BICD1: variants seen among roughly 807,000 people sequenced by gnomAD.
BICD1 encodes the protein BICD cargo adaptor 1, also known as protein bicaudal D homolog 1.
A neutral mutation model predicts 92.5 loss-of-function variants in BICD1; 35 were observed. The observed-to-expected ratio is 0.38, with a 90% CI of 0.29 to 0.50. The LOEUF (loss-of-function observed/expected upper bound fraction) is 0.50. Ranked by LOEUF, BICD1 falls within the 20% of genes least tolerant of loss-of-function variation. The pLI, the probability that BICD1 is intolerant of heterozygous loss-of-function variation, is 0.93. For missense variants in BICD1, 950 were observed against 1,189.8 expected, an observed-to-expected ratio of 0.80 and a Z score of 2.97; for synonymous variants, 429 against 465.1, an observed-to-expected ratio of 0.92 and a Z score of 1.00.
chr12:32,245,055 T>G (rs967748672), intron 2 of BICD1, among the ~76,000 whole-genome samples: 1 of 152,188 alleles, frequency 6.6e-6, no homozygotes, highest in Non-Finnish European at 1.5e-5. Context: ...TGGAATCTTG[T>G]CTGAATCTTG....
intron 6 of BICD1, among the ~76,000 whole-genome samples, chr12:32,335,174 G>A (rs2136276333): frequency 6.7e-6 from 1 of 149,926 alleles, no homozygotes; most frequent in Admixed American, 6.6e-5. Flanking sequence ...TTTTTGAGAC[G>A]GAGTCTTACT....
chr12:32,317,276 C>T (rs1483413237), intron 4 of BICD1, among the ~76,000 whole-genome samples: 2 of 152,184 alleles, frequency 1.3e-5, no homozygotes, highest in Admixed American at 6.5e-5. Context: ...CCTGAGGAAT[C>T]GTCACACTGA....
At chr12:32,310,219 G>T (rs1355408397) in intron 4 of BICD1, among the ~76,000 whole-genome samples, 4 of 152,234 alleles carry the variant, frequency 2.6e-5, no homozygotes, top group African/African-American at 9.6e-5. Flanking sequence ...GAAAATAAAA[G>T]AGTAGATTTT....
At chr12:32,329,103 TTA>T in intron 5 of BICD1, among the ~76,000 whole-genome samples, 1 of 93,342 alleles carries the variant, frequency 1.1e-5, no homozygotes, top group Non-Finnish European at 2.4e-5. Context: ...ATTATTATTA[TTA>T]TTTTTTATTT....
At chr12:32,372,658 T>C (rs1939782427) in intron 9 of BICD1, among the ~76,000 whole-genome samples, 1 of 152,060 alleles carries the variant, frequency 6.6e-6, no homozygotes, top group Non-Finnish European at 1.5e-5. Context: ...GTGGGAAGAT[T>C]GCTTGAGCCC....
intron 3 of BICD1, among the ~76,000 whole-genome samples, chr12:32,297,013 G>A (rs913932135): frequency 7.9e-5 from 12 of 152,110 alleles, no homozygotes; most frequent in Non-Finnish European, 1.8e-4. Flanking sequence ...TCCCAATTAA[G>A]TATCTAATTA....
intron 1 of BICD1, among the ~76,000 whole-genome samples, chr12:32,136,092 G>T (rs1326237579): frequency 6.6e-6 from 1 of 152,176 alleles, no homozygotes; most frequent in Non-Finnish European, 1.5e-5. Flanking sequence ...GCTCCTCTGT[G>T]TTCCCCTGTA....
chr12:32,246,310 G>GAAA (rs398055471), intron 2 of BICD1, among the ~76,000 whole-genome samples: 5,161 of 101,830 alleles, frequency 0.051, 206 homozygotes, highest in East Asian at 0.18. Flanking sequence ...AACCCATCAG[G>GAAA]AAAAAAAAAA....
chr12:32,269,384 T>C (rs1947078752), intron 2 of BICD1, among the ~76,000 whole-genome samples: 2 of 152,226 alleles, frequency 1.3e-5, no homozygotes. Flanking sequence ...CTTTCTTACA[T>C]TGTGAAAACT....
chr12:32,179,594 A>G (rs1227387030), intron 1 of BICD1, among the ~76,000 whole-genome samples: 3 of 151,998 alleles, frequency 2.0e-5, no homozygotes, highest in Non-Finnish European at 4.4e-5. Flanking sequence ...CAGTGTGCTA[A>G]CTTTACTAAA....
chr12:32,251,513 G>A (rs1437116365), intron 2 of BICD1, among the ~76,000 whole-genome samples: 2 of 151,990 alleles, frequency 1.3e-5, no homozygotes, highest in Admixed American at 6.6e-5. Flanking sequence ...CCCTTCTCAC[G>A]TTCTAGACCC....
At chr12:32,114,257 C>CTT (rs1303432804) in intron 1 of BICD1, among the ~76,000 whole-genome samples, 1 of 152,214 alleles carries the variant, frequency 6.6e-6, no homozygotes, top group Non-Finnish European at 1.5e-5. Context: ...ATCTGCCTGC[C>CTT]TTGCCCTCGT....
intron 2 of BICD1, among the ~76,000 whole-genome samples, chr12:32,246,621 G>C (rs190809134): frequency 1.3e-5 from 2 of 152,256 alleles, no homozygotes; most frequent in African/African-American, 4.8e-5. Flanking sequence ...CTGCAGTACA[G>C]AGTGAGACCT....
chr12:32,235,480 C>T (rs1233882144), intron 2 of BICD1, among the ~76,000 whole-genome samples: 1 of 148,718 alleles, frequency 6.7e-6, no homozygotes, highest in Non-Finnish European at 1.5e-5. Context: ...ATTTTTTTTT[C>T]CTAGTTGCCA....
At chr12:32,360,518 C>T (rs1412896400) in intron 8 of BICD1, among the ~76,000 whole-genome samples, 1 of 152,138 alleles carries the variant, frequency 6.6e-6, no homozygotes, top group Non-Finnish European at 1.5e-5. Flanking sequence ...TGTTAAAAGC[C>T]AGTGTGAGTT....
intron 1 of BICD1, among the ~76,000 whole-genome samples, chr12:32,195,853 G>T (rs1188257708): frequency 6.6e-6 from 1 of 152,074 alleles, no homozygotes; most frequent in Non-Finnish European, 1.5e-5. Flanking sequence ...CCTAAAGAAT[G>T]GGACAAAATA....
chr12:32,328,071 G>T lies in BICD1; in HGVS notation c.1616G>T (p.Arg539Met). 7 of 1,614,136 alleles carry T rather than the reference G, an allele frequency of 4.3e-6. No individual in the cohort carries two copies. The highest frequency in any genetic ancestry group is 5.9e-6 in the Non-Finnish European group (7 of 1,180,022). ...AACAGGGTCATGCTGGATTACTATA[G>T]GCAGAGCAGAGTCACCCGCAGTGGC... ...TPNRVMLDYY[R>M]QSRVTRSGSL... Residue 539 changes from arginine to methionine, a missense_variant, in exon 5 of 10, where the codon AGG becomes ATG. Arg to Met is a moderately conservative substitution (Grantham distance 91, BLOSUM62 -1). Coordinates refer to ENST00000652176, the MANE Select transcript of BICD1 (RefSeq NM_001714.4). This position sits in a 1 kb window ranked among gnomAD's most constrained non-coding sequence, Gnocchi z 4.4.
At chr12:32,295,935 GAGCCAC>G (rs957148685) in intron 3 of BICD1, among the ~76,000 whole-genome samples, 9 of 152,106 alleles carry the variant, frequency 5.9e-5, no homozygotes, top group African/African-American at 1.7e-4. Flanking sequence ...TTACAAGCAC[GAGCCAC>G]AGCGTCTGGC....
chr12:32,287,460 A>G (rs1947599393), intron 2 of BICD1, among the ~76,000 whole-genome samples: 1 of 151,840 alleles, frequency 6.6e-6, no homozygotes, highest in African/African-American at 2.4e-5. Context: ...AATGACCCAC[A>G]ATTTGGGAGC....
Sources: gnomAD v4.1 joint callset for allele counts (sites outside exome capture counted in the v4.1 genomes callset) on GRCh38, gnomAD v4.1.1 for gene constraint, Gnocchi (gnomAD v3.1) non-coding constraint, MANE v1.5 for transcripts, NCBI Gene and HGNC (gene_info 2026-07-23, HGNC 2026-07-21) for gene names.